NPFFR2: variants seen among roughly 807,000 people sequenced by gnomAD.
The protein encoded by NPFFR2 is G-protein coupled receptor 74.
In NPFFR2, 15 loss-of-function variants were observed where a neutral mutation model predicts 13.1. The observed-to-expected ratio is 1.15, with a 90% CI of 0.77 to 1.76. The LOEUF (loss-of-function observed/expected upper bound fraction) is 1.76, where lower values mean the gene tolerates loss of function less well. NPFFR2 is among the 40% of genes most tolerant of loss of function. The pLI is 0.00. For missense variants in NPFFR2, 572 were observed against 503.5 expected (o/e 1.14, Z -1.30); for synonymous variants, 190 against 175.7 (o/e 1.08, Z -0.65).
intron 1 of NPFFR2, among the ~76,000 whole-genome samples, chr4:72,063,615 T>A (rs1019111048): frequency 1.3e-5 from 2 of 152,172 alleles, no homozygotes; most frequent in Non-Finnish European, 2.9e-5. Flanking sequence ...TTGGCATAAA[T>A]AAAAATAAAA....
intron 3 of NPFFR2, among the ~76,000 whole-genome samples, chr4:72,139,032 A>G (rs1295938186): frequency 6.6e-6 from 1 of 152,088 alleles, no homozygotes; most frequent in East Asian, 1.9e-4. Flanking sequence ...GCATTTTTTC[A>G]TATATCTGTT....
At chr4:72,043,991 A>C (rs1320683121) in intron 1 of NPFFR2, among the ~76,000 whole-genome samples, 1 of 152,172 alleles carries the variant, frequency 6.6e-6, no homozygotes, top group African/African-American at 2.4e-5. Context: ...TGTGGTGGGA[A>C]GTAATTGAAT....
chr4:72,054,742 C>A (rs1719693210), intron 1 of NPFFR2, among the ~76,000 whole-genome samples: 1 of 151,694 alleles, frequency 6.6e-6, no homozygotes, highest in Non-Finnish European at 1.5e-5. Context: ...ATATATTTTA[C>A]AAAGTACTTT....
chr4:72,081,166 C>T (rs140946732), intron 1 of NPFFR2, among the ~76,000 whole-genome samples: 3 of 152,130 alleles, frequency 2.0e-5, no homozygotes, highest in African/African-American at 4.8e-5. Context: ...AAGACAGGAA[C>T]GGGCAAAGTA....
Position 72,138,080 on chromosome 4 carries a change from G to T in NPFFR2, c.369G>T (p.Leu123Phe). 1 of 1,613,702 alleles carries T rather than the reference G, an allele frequency of 6.2e-7. No homozygotes were observed. The highest frequency in any genetic ancestry group is 8.5e-7 in the Non-Finnish European group (1 of 1,179,754). Reference protein sequence around the residue: ...FGNTMCKISGLVQGISVAASV... With the variant: ...FGNTMCKISGFVQGISVAASV... ...ACACGATGTGCAAGATCAGTGGATT[G>T]GTCCAGGGAATATCTGTCGCAGCTT... The change falls in exon 3 of 4, where the codon TTG becomes TTT. Residue 123 changes from leucine (L) to phenylalanine (F), a missense_variant. Transcript: ENST00000308744.
intron 1 of NPFFR2, among the ~76,000 whole-genome samples, chr4:72,085,821 T>C (rs1396793476): frequency 6.6e-6 from 1 of 152,126 alleles, no homozygotes; most frequent in Non-Finnish European, 1.5e-5. Flanking sequence ...ATGAAACTAA[T>C]GGTTAAAAAT....
chr4:72,084,235 C>T (rs893268548), intron 1 of NPFFR2, among the ~76,000 whole-genome samples: 1 of 152,084 alleles, frequency 6.6e-6, no homozygotes, highest in African/African-American at 2.4e-5. Context: ...TTTCCTTTAC[C>T]ATGGCTTGTA....
At chr4:72,072,724 A>G (rs1410372887) in intron 1 of NPFFR2, among the ~76,000 whole-genome samples, 4 of 152,138 alleles carry the variant, frequency 2.6e-5, no homozygotes, top group Non-Finnish European at 5.9e-5. Context: ...GAAGTTCAAT[A>G]GATTCTGAGT....
intron 2 of NPFFR2, among the ~76,000 whole-genome samples, chr4:72,132,753 T>A (rs930873304): frequency 6.6e-6 from 1 of 151,554 alleles, no homozygotes; most frequent in African/African-American, 2.5e-5. Context: ...TATTCAGTGA[T>A]GTTGAGCTTT....
At chr4:72,089,658 C>G (rs1463131721) in intron 1 of NPFFR2, among the ~76,000 whole-genome samples, 1 of 151,914 alleles carries the variant, frequency 6.6e-6, no homozygotes, top group African/African-American at 2.4e-5. Context: ...CCTTAGCCCA[C>G]TTTATGATGG....
At chr4:72,120,651 C>T (rs74953181) in intron 1 of NPFFR2, among the ~76,000 whole-genome samples, 2,383 of 152,266 alleles carry the variant, frequency 0.016, 67 homozygotes, top group African/African-American at 0.054. Flanking sequence ...TCTAGTAGAC[C>T]TGCAGCAGAG....
intron 1 of NPFFR2, among the ~76,000 whole-genome samples, chr4:72,068,610 T>G (rs1578434217): frequency 1.3e-5 from 2 of 152,306 alleles, no homozygotes; most frequent in East Asian, 3.9e-4. Context: ...GAACAGACAG[T>G]GGCATGTCAT....
At chr4:72,069,047 A>G (rs1426406622) in intron 1 of NPFFR2, 3 of 857,836 alleles carry the variant, frequency 3.5e-6, no homozygotes, top group Admixed American at 3.7e-5. Context: ...TATTATTTTG[A>G]TCTTTTGAAA....
chr4:72,123,124 A>G (rs776822180), intron 1 of NPFFR2, among the ~76,000 whole-genome samples: 9 of 152,214 alleles, frequency 5.9e-5, no homozygotes, highest in Non-Finnish European at 1.2e-4. Flanking sequence ...TACCATCAGA[A>G]TACTATAAAC....
intron 1 of NPFFR2, among the ~76,000 whole-genome samples, chr4:72,118,015 G>C (rs982850901): frequency 6.6e-6 from 1 of 152,140 alleles, no homozygotes; most frequent in Non-Finnish European, 1.5e-5. Flanking sequence ...AGGAAAAAAG[G>C]AAGGAAGGGG....
At chr4:72,122,111 C>G (rs1272221294) in intron 1 of NPFFR2, among the ~76,000 whole-genome samples, 1 of 151,858 alleles carries the variant, frequency 6.6e-6, no homozygotes, top group African/African-American at 2.4e-5. Flanking sequence ...ATCCTAGTGT[C>G]TGATAAAACA....
intron 1 of NPFFR2, among the ~76,000 whole-genome samples, chr4:72,089,321 T>A (rs1351993584): frequency 1.3e-5 from 2 of 152,118 alleles, no homozygotes; most frequent in Non-Finnish European, 1.5e-5. Context: ...AATGGCTTAT[T>A]TTCCTCTGGG....
chr4:72,069,572 A>T (rs1720183861), intron 1 of NPFFR2, among the ~76,000 whole-genome samples: 2 of 152,148 alleles, frequency 1.3e-5, no homozygotes, highest in Admixed American at 6.6e-5. Context: ...TATTACTATT[A>T]GTCAACATGA....
chr4:72,088,462 A>G (rs1720827230), intron 1 of NPFFR2, among the ~76,000 whole-genome samples: 1 of 152,136 alleles, frequency 6.6e-6, no homozygotes, highest in Non-Finnish European at 1.5e-5. Flanking sequence ...ATATACATAT[A>G]TATATAGACA....
Sources: allele counts gnomAD v4.1 joint callset (sites outside exome capture counted in the v4.1 genomes callset), GRCh38; gene constraint gnomAD v4.1.1; transcripts MANE v1.5; gene names NCBI Gene and HGNC (gene_info 2026-07-23, HGNC 2026-07-21).